NBAS: variants seen among roughly 807,000 people sequenced by gnomAD.
The protein encoded by NBAS is NBAS subunit of NRZ tethering complex, also known as NAG/BC035112 fusion.
NBAS carries 219 observed loss-of-function variants against 302.5 expected under a neutral mutation model. The ratio of observed to expected loss-of-function variants is 0.72; its 90% CI spans 0.65 to 0.81. The LOEUF (loss-of-function observed/expected upper bound fraction) is 0.81. Ranked by LOEUF, NBAS falls within the 30% of genes least tolerant of loss-of-function variation. The pLI is 0.00. For synonymous variants in NBAS, 1,118 were observed against 1,021.6 expected (o/e 1.09, Z -1.80); for missense variants, 2,932 against 2,841.6 (o/e 1.03, Z -0.72).
intron 40 of NBAS, among the ~76,000 whole-genome samples, chr2:15,301,727 C>T (rs1670805494): frequency 6.6e-6 from 1 of 152,208 alleles, no homozygotes; most frequent in South Asian, 2.1e-4. Context: ...CAGGGGAGTA[C>T]AAAAGCACAT....
chr2:15,319,013 G>A (rs985270792), intron 38 of NBAS, among the ~76,000 whole-genome samples: 1 of 152,136 alleles, frequency 6.6e-6, no homozygotes, highest in Admixed American at 6.6e-5. Flanking sequence ...ACACTCCTCA[G>A]CAAACGTAAA....
In NBAS at chr2:15,398,654, A is replaced by T. The variant is rs114076582; in HGVS notation, c.3072-2179T>A. On this transcript the variant is annotated intron_variant, in intron 26 of 51. Transcript: ENST00000281513. ...TCTCAAATAGCAAATGGATGTATTC[A>T]TAGTTTACCACTTGATAAATAACAA... 8.2e-3 allele frequency among the ~76,000 whole-genome samples: 1,243 copies of T among 152,312 alleles called. 15 individuals carry two copies. Among genetic ancestry groups the T allele is most frequent in the African/African-American group, 0.028 (1,175 of 41,548 alleles).
intron 44 of NBAS, among the ~76,000 whole-genome samples, chr2:15,245,406 C>T (rs1442340975): frequency 2.6e-5 from 4 of 152,118 alleles, no homozygotes; most frequent in African/African-American, 9.7e-5. Context: ...TGGGACTTCA[C>T]AAAAATGTCA....
chr2:15,236,523 G>A (rs1483239272), intron 45 of NBAS, among the ~76,000 whole-genome samples: 1 of 76,580 alleles, frequency 1.3e-5, no homozygotes. Context: ...GTGAGACCCT[G>A]TCTCAAAAAA....
chr2:15,111,463 A>G, the NBAS span, among the ~76,000 whole-genome samples: 1 of 152,266 alleles, frequency 6.6e-6, no homozygotes, highest in African/African-American at 2.4e-5. Context: ...TGGATCTAAC[A>G]ACTGTGAAAT....
At chr2:15,099,305 G>A in the NBAS span, among the ~76,000 whole-genome samples, 5 of 151,326 alleles carry the variant, frequency 3.3e-5, no homozygotes, top group Non-Finnish European at 5.9e-5. Flanking sequence ...CCTCCCCGCC[G>A]ACCCCCAAAA....
intron 30 of NBAS, among the ~76,000 whole-genome samples, chr2:15,378,188 G>A (rs3805102): frequency 0.61 from 92,426 of 152,048 alleles, 29,061 homozygotes; most frequent in Non-Finnish European, 0.68. Flanking sequence ...CAGTTGCCTT[G>A]AGGCGGAAAA....
the NBAS span, among the ~76,000 whole-genome samples, chr2:14,987,403 T>C: frequency 5.3e-4 from 81 of 152,106 alleles, no homozygotes; most frequent in African/African-American, 1.9e-3. Context: ...GATTGAGTGG[T>C]GTTTGCTAAG....
chr2:14,859,235 A>T, the NBAS span, among the ~76,000 whole-genome samples: 5 of 152,066 alleles, frequency 3.3e-5, no homozygotes, highest in East Asian at 9.6e-4. Context: ...GGAAAAATTA[A>T]TATTGTCAAA....
intron 21 of NBAS, among the ~76,000 whole-genome samples, chr2:15,454,505 T>TG (rs1467706164): frequency 1.3e-5 from 2 of 152,228 alleles, no homozygotes; most frequent in African/African-American, 4.8e-5. Flanking sequence ...TTCCAATGAA[T>TG]GGATGTATTA....
At chr2:15,309,115 A>G (rs1356655338) in intron 39 of NBAS, 56 bp downstream of exon 39, 6 of 1,407,794 alleles carry the variant, frequency 4.3e-6, no homozygotes, top group East Asian at 2.3e-5. Context: ...GAAAATTCAC[A>G]GCATACATTT....
At chr2:14,989,293 A>ATGTGTG in the NBAS span, among the ~76,000 whole-genome samples, 5,271 of 148,054 alleles carry the variant, frequency 0.036, 136 homozygotes, top group African/African-American at 0.069. Context: ...ATGTATGTGT[A>ATGTGTG]TGTGTGTGTG....
intron 48 of NBAS, among the ~76,000 whole-genome samples, chr2:15,192,234 A>ATTTTT (rs56108047): frequency 2.9e-5 from 4 of 138,666 alleles, no homozygotes; most frequent in Non-Finnish European, 6.3e-5. Context: ...AGAAGAGGCT[A>ATTTTT]TTTTTTTTTT....
the NBAS span, among the ~76,000 whole-genome samples, chr2:15,005,778 C>T: frequency 2.6e-5 from 4 of 152,328 alleles, no homozygotes; most frequent in South Asian, 2.1e-4. Context: ...CTATTTACTT[C>T]CATATTGCAG....
the NBAS span, among the ~76,000 whole-genome samples, chr2:14,893,561 C>T: frequency 2.6e-5 from 4 of 152,186 alleles, no homozygotes; most frequent in Admixed American, 2.0e-4. Flanking sequence ...TCCATCTGTA[C>T]TCACTAGACT....
the NBAS span, among the ~76,000 whole-genome samples, chr2:15,039,739 G>A: frequency 2.0e-5 from 3 of 152,130 alleles, no homozygotes; most frequent in African/African-American, 7.2e-5. Flanking sequence ...TCTCAGCTCG[G>A]ACACCCCAGC....
At chr2:14,987,330 G>C in the NBAS span, among the ~76,000 whole-genome samples, 1 of 151,950 alleles carries the variant, frequency 6.6e-6, no homozygotes, top group South Asian at 2.1e-4. Context: ...CTCTTGGTGA[G>C]TTCTACAAGA....
At chr2:14,925,229 C>A in the NBAS span, among the ~76,000 whole-genome samples, 1 of 152,094 alleles carries the variant, frequency 6.6e-6, no homozygotes, top group Non-Finnish European at 1.5e-5. Context: ...CCATTATGTC[C>A]TCTCCTTTTC....
In NBAS at chr2:15,379,683, C is replaced by G. The variant is rs563986440; in HGVS notation, c.3509G>C (p.Ser1170Thr). The G allele has an allele frequency of 1.2e-6, 2 of 1,614,004 alleles. No homozygotes were observed. The highest frequency in any genetic ancestry group is 2.2e-5 in the South Asian group (2 of 91,074). The change falls in exon 30 of 52, where the codon AGT becomes ACT. Residue 1170 changes from serine (S) to threonine (T), a missense_variant. Coordinates refer to ENST00000281513, the MANE Select transcript of NBAS (RefSeq NM_015909.4). Reference protein sequence around the residue: ...KPHYRVSYEKSIDLVLAASRE... With the variant: ...KPHYRVSYEKTIDLVLAASRE... ...GCTGGCAGCCAAAACCAAGTCAATA[C>G]TCTTTTCGTAGCTGACCCTGTAGTG...
Sources: gnomAD v4.1 joint callset for allele counts (sites outside exome capture counted in the v4.1 genomes callset) on GRCh38, gnomAD v4.1.1 for gene constraint, MANE v1.5 for transcripts, NCBI Gene and HGNC (gene_info 2026-07-23, HGNC 2026-07-21) for gene names.